Variants in IFT81 observed in about 807,000 individuals in gnomAD.
IFT81 encodes intraflagellar transport 81, also known as intraflagellar transport protein 81 homolog.
Under a neutral mutation model 102.6 loss-of-function variants are expected in IFT81, and 72 were observed. The ratio of observed to expected loss-of-function variants is 0.70; its 90% confidence interval spans 0.58 to 0.85. The LOEUF (loss-of-function observed/expected upper bound fraction) is 0.85, where lower values mean the gene tolerates loss of function less well. IFT81 is among the 40% of genes least tolerant of loss of function. The pLI is 0.00. For missense variants in IFT81, 723 were observed against 787.3 expected, an observed-to-expected ratio of 0.92 and a Z score of 0.98; for synonymous variants, 237 against 242.7, an observed-to-expected ratio of 0.98 and a Z score of 0.22.
At chr12:110,128,849 G>A in intron 3 of IFT81, 101 bp from the exon 4 acceptor site, 62 of 668,058 alleles carry the variant, frequency 9.3e-5, no homozygotes, top group South Asian at 3.9e-4. Context: ...GTTACAGAAA[G>A]CAATTTGGAC....
intron 11 of IFT81, among the ~76,000 whole-genome samples, chr12:110,172,364 C>G (rs1165893967): frequency 2.4e-5 from 3 of 124,236 alleles, no homozygotes; most frequent in African/African-American, 9.8e-5. Context: ...CCCATGGTCT[C>G]CCTCTCCCCA....
At chr12:110,201,386 GAGAA>G (rs1233417930) in intron 14 of IFT81, among the ~76,000 whole-genome samples, 1 of 147,460 alleles carries the variant, frequency 6.8e-6, no homozygotes, top group Non-Finnish European at 1.5e-5. Flanking sequence ...TGGGCGACAA[GAGAA>G]AGCTCTGTCT....
intron 4 of IFT81, among the ~76,000 whole-genome samples, chr12:110,131,378 G>A (rs1196648336): frequency 4.0e-5 from 6 of 151,570 alleles, no homozygotes; most frequent in Non-Finnish European, 7.4e-5. Flanking sequence ...ACAGAGTCTC[G>A]CTTTGTCACC....
chr12:110,192,508 G>T (rs1897841549), intron 13 of IFT81, 109 bp from the exon 14 acceptor site: 1 of 586,066 alleles, frequency 1.7e-6, no homozygotes, highest in Non-Finnish European at 3.1e-6. Context: ...GAAGTAATTT[G>T]CAGTTTTTTG....
intron 10 of IFT81, among the ~76,000 whole-genome samples, chr12:110,152,583 G>A (rs1895602083): frequency 6.6e-6 from 1 of 151,562 alleles, no homozygotes; most frequent in Admixed American, 6.6e-5. Flanking sequence ...TTTGTTGTTG[G>A]GTTTTAGGAG....
chr12:110,177,533 C>T (rs1897091594), intron 11 of IFT81, among the ~76,000 whole-genome samples: 1 of 152,204 alleles, frequency 6.6e-6, no homozygotes, highest in African/African-American at 2.4e-5. Context: ...GTCCCCCCAC[C>T]TCAGCCTCCC....
intron 14 of IFT81, among the ~76,000 whole-genome samples, chr12:110,199,929 G>A (rs536928160): frequency 9.9e-5 from 15 of 152,278 alleles, no homozygotes; most frequent in African/African-American, 3.4e-4. Context: ...GGTTTACTAT[G>A]GGGTCCTCAG....
At chr12:110,153,295 C>T (rs534506215) in intron 10 of IFT81, among the ~76,000 whole-genome samples, 3 of 152,202 alleles carry the variant, frequency 2.0e-5, no homozygotes, top group South Asian at 2.1e-4. Context: ...AGTGCAATGG[C>T]GTGATCTCGG....
At chr12:110,139,191 G>T (rs1225352182) in intron 8 of IFT81, among the ~76,000 whole-genome samples, 1 of 151,676 alleles carries the variant, frequency 6.6e-6, no homozygotes. Context: ...ACAAAAATTA[G>T]CCAGGTGTGG....
At chr12:110,127,815 C>T (rs942998884) in intron 2 of IFT81, among the ~76,000 whole-genome samples, 2 of 152,182 alleles carry the variant, frequency 1.3e-5, no homozygotes, top group African/African-American at 2.4e-5. Context: ...GTCTCTCATA[C>T]ACTGGTCCAT....
At chr12:110,194,514 T>A (rs1433489992) in intron 14 of IFT81, among the ~76,000 whole-genome samples, 1 of 152,086 alleles carries the variant, frequency 6.6e-6, no homozygotes, top group Non-Finnish European at 1.5e-5. Context: ...GCTCAAGCAG[T>A]CCTCCCACCT....
intron 8 of IFT81, among the ~76,000 whole-genome samples, chr12:110,141,651 A>G (rs1894898319): frequency 1.3e-5 from 2 of 152,100 alleles, no homozygotes; most frequent in African/African-American, 4.8e-5. Context: ...AGGCCCAGGC[A>G]GGCGGATCAC....
intron 18 of IFT81, among the ~76,000 whole-genome samples, chr12:110,213,327 A>C (rs1017714306): frequency 6.6e-6 from 1 of 152,082 alleles, no homozygotes; most frequent in Non-Finnish European, 1.5e-5. Context: ...TGGGTTTTCA[A>C]CATTTTGAAC....
chr12:110,142,389 A>G (rs1488052459), intron 8 of IFT81, among the ~76,000 whole-genome samples: 1 of 151,262 alleles, frequency 6.6e-6, no homozygotes, highest in African/African-American at 2.4e-5. Flanking sequence ...GCTGCTCTCG[A>G]ACTCTAGACC....
At chr12:110,217,429 T>G (rs1054103256) in intron 18 of IFT81, among the ~76,000 whole-genome samples, 4 of 152,206 alleles carry the variant, frequency 2.6e-5, no homozygotes, top group Admixed American at 6.5e-5. Flanking sequence ...AAAACCAGAT[T>G]AAAACCGAAG....
chr12:110,173,840 G>T (rs1449779981), intron 11 of IFT81, among the ~76,000 whole-genome samples: 1 of 151,706 alleles, frequency 6.6e-6, no homozygotes, highest in Non-Finnish European at 1.5e-5. Context: ...AAGGCCTCAG[G>T]GTCCTCTGCC....
rs118111767 is a variant in IFT81 at position 110,129,650 on chromosome 12, T to C, written c.429+520T>C. ...AAGGGTAGAGATAGATTCCGGAGTT[T>C]GAAATCTCAGTGCACCTTTCTTGCC... On this transcript the variant is annotated intron_variant, in intron 4 of 18. Coordinates refer to ENST00000242591, the MANE Select transcript of IFT81 (RefSeq NM_014055.4). Among the ~76,000 whole-genome samples, 60 of 152,222 alleles carry C rather than the reference T, an allele frequency of 3.9e-4. No homozygotes were observed. The East Asian group carries it at 6.4e-3, about 16-fold the overall frequency.
intron 4 of IFT81, among the ~76,000 whole-genome samples, chr12:110,132,061 A>G (rs1894195031): frequency 6.6e-6 from 1 of 152,192 alleles, no homozygotes; most frequent in Non-Finnish European, 1.5e-5. Context: ...GATGGTAGAG[A>G]TGTACTTTTT....
At chr12:110,187,027 A>G (rs1897565974) in intron 12 of IFT81, among the ~76,000 whole-genome samples, 1 of 145,644 alleles carries the variant, frequency 6.9e-6, no homozygotes, top group Non-Finnish European at 1.5e-5. Flanking sequence ...CTATTTTTCC[A>G]GTTGATTAAT....
Sources: gnomAD v4.1 joint callset for allele counts (sites outside exome capture counted in the v4.1 genomes callset) on GRCh38, gnomAD v4.1.1 for gene constraint, MANE v1.5 for transcripts, NCBI Gene and HGNC (gene_info 2026-07-23, HGNC 2026-07-21) for gene names.